MYO9A: variants seen among roughly 807,000 people sequenced by gnomAD.
MYO9A encodes the protein myosin IXA, also known as unconventional myosin-IXa.
MYO9A carries 103 observed loss-of-function variants against 293.3 expected under a neutral mutation model. The ratio of observed to expected loss-of-function variants is 0.35; its 90% CI spans 0.30 to 0.41. The LOEUF (loss-of-function observed/expected upper bound fraction) is 0.41, where lower values mean the gene tolerates loss of function less well. Ranked by LOEUF, MYO9A falls within the 10% of genes least tolerant of loss-of-function variation. The probability of loss-of-function intolerance (pLI) is 1.00; values close to 1 mark genes in which losing one functional copy is unlikely to be tolerated. For missense variants in MYO9A, 2,685 were observed against 3,033.0 expected, an observed-to-expected ratio of 0.89 and a Z score of 2.69; for synonymous variants, 1,001 against 1,035.7, an observed-to-expected ratio of 0.97 and a Z score of 0.64.
intron 11 of MYO9A, among the ~76,000 whole-genome samples, chr15:71,990,773 C>T (rs1251414447): frequency 7.0e-6 from 1 of 142,272 alleles, no homozygotes; most frequent in Non-Finnish European, 1.5e-5. Context: ...AAAAAAAAGA[C>T]AAGATTTAAA....
chr15:71,994,641 T>C (rs1279011730), intron 9 of MYO9A, 56 bp from the exon 10 acceptor site: 9 of 995,450 alleles, frequency 9.0e-6, no homozygotes, highest in South Asian at 1.9e-5. Context: ...TAAGATACTA[T>C]GACAAAGTTG....
At chr15:72,109,196 C>G (rs2080686062) in intron 1 of MYO9A, among the ~76,000 whole-genome samples, 1 of 151,902 alleles carries the variant, frequency 6.6e-6, no homozygotes, top group African/African-American at 2.4e-5. Flanking sequence ...CGAGACCATC[C>G]TGACTAACAC....
chr15:72,100,586 G>T (rs996396786), intron 1 of MYO9A, among the ~76,000 whole-genome samples: 1 of 151,854 alleles, frequency 6.6e-6, no homozygotes, highest in African/African-American at 2.4e-5. Flanking sequence ...CATCATCTGA[G>T]ATGTGGGGAG....
chr15:71,843,440 G>GTAAA (rs2055251364), intron 39 of MYO9A, among the ~76,000 whole-genome samples: 1 of 152,024 alleles, frequency 6.6e-6, no homozygotes, highest in South Asian at 2.1e-4. Flanking sequence ...CAAAAATAAA[G>GTAAA]TAAATAAATA....
chr15:71,959,711 CTT>C, intron 14 of MYO9A, 188 bp downstream of exon 14: 1 of 588,884 alleles, frequency 1.7e-6, no homozygotes, highest in Non-Finnish European at 3.0e-6. Flanking sequence ...CAGTATAACT[CTT>C]TTACAGAAAA....
At chr15:71,885,180 G>C (rs1183042163) in intron 27 of MYO9A, among the ~76,000 whole-genome samples, 1 of 151,924 alleles carries the variant, frequency 6.6e-6, no homozygotes, top group Non-Finnish European at 1.5e-5. Context: ...CACAGATAAT[G>C]ATTAGGCATG....
chr15:72,075,430 A>T (rs910039369), intron 1 of MYO9A, among the ~76,000 whole-genome samples: 1 of 151,960 alleles, frequency 6.6e-6, no homozygotes, highest in African/African-American at 2.4e-5. Flanking sequence ...AAAATATATG[A>T]TATTATTATG....
At chr15:72,020,080 T>C (rs546627438) in intron 5 of MYO9A, among the ~76,000 whole-genome samples, 216 of 152,210 alleles carry the variant, frequency 1.4e-3, no homozygotes, top group Non-Finnish European at 2.6e-3. Flanking sequence ...ACCCTAAATA[T>C]ATACTGCTAT....
At chr15:71,887,939 C>T (rs571348941) in intron 27 of MYO9A, 65 bp downstream of exon 27, 3 of 927,734 alleles carry the variant, frequency 3.2e-6, no homozygotes, top group Non-Finnish European at 4.9e-6. Flanking sequence ...AAGCTCAGTA[C>T]TTAACTATAG....
Position 72,046,484 on chromosome 15 carries a change from T to C in MYO9A, c.80A>G (p.Glu27Gly). ...AGGAATCGGACAGTAGATTGTCCCTTCTGAAATAGCCCCAGGATATATCCG... is the reference window on the plus strand; with the variant it reads ...AGGAATCGGACAGTAGATTGTCCCTCCTGAAATAGCCCCAGGATATATCCG... ...TLRIYPGAIS[E>G]GTIYCPIPAR... Residue 27 changes from glutamate to glycine, a missense_variant, in exon 2 of 42, where the codon GAA (glutamate) becomes GGA (glycine). Coordinates refer to ENST00000356056, the MANE Select transcript of MYO9A (RefSeq NM_006901.4). 6.2e-7 allele frequency: 1 copy of C among 1,614,166 alleles called. No homozygotes were observed. The highest frequency in any genetic ancestry group is 2.2e-5 in the East Asian group (1 of 44,886).
At position 72,019,102 on chromosome 15, in the gene MYO9A, G is replaced by C. The variant is rs778782678; in HGVS notation, c.1099-7C>G. 1 of 1,612,324 alleles carries C rather than the reference G, an allele frequency of 6.2e-7. No homozygotes were observed. Among genetic ancestry groups the C allele is most frequent in the South Asian group, 1.1e-5 (1 of 91,054 alleles). On this transcript the variant is annotated splice_region_variant and splice_polypyrimidine_tract_variant and intron_variant, in intron 5 of 41. Coordinates refer to ENST00000356056, the MANE Select transcript of MYO9A (RefSeq NM_006901.4). ...TGAGGGGTTTCTTTGTTATCTGAAA[G>C]TAAGGCAGATTAGTTAGGTAGAAGT...
intron 12 of MYO9A, among the ~76,000 whole-genome samples, chr15:71,974,979 T>C (rs546467213): frequency 1.3e-5 from 2 of 152,186 alleles, no homozygotes; most frequent in Non-Finnish European, 2.9e-5. Flanking sequence ...AAATCCAACA[T>C]TACATTAACA....
rs1436564010 is a variant in MYO9A, at chr15:72,046,218, T to C, written c.346A>G (p.Ile116Val). Residue 116 changes from isoleucine to valine, a missense_variant, in exon 2 of 42, where the codon ATC becomes GTC. Physicochemically the swap from Ile to Val is conservative, Grantham distance 29. Around this residue, in one of 10 missense-constraint regions of MYO9A, gnomAD observed 63 missense variants for 57.9 expected, o/e 1.09. Coordinates refer to ENST00000356056, the MANE Select transcript of MYO9A (RefSeq NM_006901.4). ...CATGACTGCAGGCTACCATAATGGA[T>C]TGATCCATCAAGGTTTTTCTCTCTC... is the stretch of plus-strand genomic sequence containing the variant. ...LLREKNLDGS[I>V]HYGSLQSWLR... 23 of 1,614,026 alleles carry C rather than the reference T, an allele frequency of 1.4e-5. No homozygotes were observed. In the East Asian group the frequency reaches 1.6e-4, roughly 11 times the overall value.
At chr15:71,987,343 C>T (rs983438748) in intron 11 of MYO9A, among the ~76,000 whole-genome samples, 1 of 152,188 alleles carries the variant, frequency 6.6e-6, no homozygotes, top group Admixed American at 6.5e-5. Flanking sequence ...CAGTTCAATT[C>T]AAGTCCTCTG....
chr15:71,984,239 G>A (rs893749299), intron 11 of MYO9A, among the ~76,000 whole-genome samples: 1 of 152,176 alleles, frequency 6.6e-6, no homozygotes, highest in African/African-American at 2.4e-5. Flanking sequence ...GCACATTTAA[G>A]GTAGGCTATG....
intron 1 of MYO9A, among the ~76,000 whole-genome samples, chr15:72,115,475 C>G (rs1377440802): frequency 1.3e-5 from 2 of 152,172 alleles, no homozygotes; most frequent in East Asian, 3.8e-4. Context: ...AGCCAGAAAC[C>G]TAGATTTTAT....
chr15:72,017,354 G>A (rs2149121310), intron 6 of MYO9A, among the ~76,000 whole-genome samples: 1 of 152,186 alleles, frequency 6.6e-6, no homozygotes, highest in African/African-American at 2.4e-5. Flanking sequence ...CTGAAAAGTA[G>A]CAGATCAGTT....
chr15:72,058,921 G>A (rs947005965), intron 1 of MYO9A, among the ~76,000 whole-genome samples: 3 of 152,178 alleles, frequency 2.0e-5, no homozygotes, highest in East Asian at 1.9e-4. Context: ...TCTGTGCAGT[G>A]TTCTGCAGTG....
At chr15:71,869,040 C>G (rs761356196) in intron 32 of MYO9A, among the ~76,000 whole-genome samples, 2 of 150,272 alleles carry the variant, frequency 1.3e-5, no homozygotes, top group Admixed American at 6.7e-5. Flanking sequence ...AAAAATTCAA[C>G]TAATAAATGT....
Sources: allele counts gnomAD v4.1 joint callset (sites outside exome capture counted in the v4.1 genomes callset), GRCh38; gene constraint gnomAD v4.1.1; regional missense constraint gnomAD v4.1.1; transcripts MANE v1.5; gene names NCBI Gene and HGNC (gene_info 2026-07-23, HGNC 2026-07-21).